Variants in ADGRG4 observed in about 807,000 individuals in gnomAD.
ADGRG4 encodes the protein G protein-coupled receptor 112.
In ADGRG4, 122 loss-of-function variants were observed where a neutral mutation model predicts 126.2. The ratio of observed to expected loss-of-function variants is 0.97; its 90% CI spans 0.83 to 1.12. The LOEUF (loss-of-function observed/expected upper bound fraction) is 1.12, where lower values mean the gene tolerates loss of function less well. Among genes scored for constraint, ADGRG4 ranks in the 50% most tolerant of loss-of-function variants. The pLI, the probability that ADGRG4 is intolerant of heterozygous loss-of-function variation, is 0.00. For missense variants in ADGRG4, 2,481 were observed against 2,251.8 expected (o/e 1.10, Z -2.06); for synonymous variants, 943 against 838.7 (o/e 1.12, Z -2.15).
At chrX:136,304,509 C>T (rs953719565) in intron 2 of ADGRG4, among the ~76,000 whole-genome samples, 22 of 111,939 alleles carry the variant, frequency 2.0e-4, no homozygotes, top group African/African-American at 6.8e-4. Context: ...AATAATTCTC[C>T]TCTAAATTCT....
rs751855038 is a variant in ADGRG4 at position 136,347,465 on chromosome X, C to T, written c.3759C>T (p.Val1253=). The change falls in exon 6 of 26, where the codon GTC becomes GTT. Residue 1253 remains valine, a synonymous_variant. Transcript: ENST00000394143. ...VSIQLVTSTS[V]LSSDKDQMTI... is the part of the protein sequence containing the mutation. ...TCCAGTTGGTGACTAGCACCTCTGT[C>T]TTATCTTCCGACAAAGACCAGATGA... is the stretch of plus-strand genomic sequence containing the variant. 2 of 1,206,893 alleles carry T rather than the reference C, an allele frequency of 1.7e-6. No homozygotes were observed. The highest frequency in any genetic ancestry group is 4.4e-5 in the Admixed American group (2 of 45,789).
intron 5 of ADGRG4, 72 bp from the exon 6 acceptor site, chrX:136,344,320 T>C: frequency 1.6e-6 from 1 of 618,380 alleles, no homozygotes; most frequent in Non-Finnish European, 2.5e-6. Flanking sequence ...AAAGAAATTA[T>C]AGAGCTCTTT....
In ADGRG4 at chrX:136,373,038, T is replaced by C; in HGVS notation, c.7750T>C (p.Ser2584Pro). 8.3e-7 allele frequency: 1 copy of C among 1,208,735 alleles called. No homozygotes were observed. The highest frequency in any genetic ancestry group is 1.1e-6 in the Non-Finnish European group (1 of 894,186). Residue 2584 changes from serine (S) to proline (P), a missense_variant, in exon 15 of 26, where the codon TCC (serine) becomes CCC (proline). Coordinates refer to ENST00000394143, the MANE Select transcript of ADGRG4 (RefSeq NM_153834.4). ...TGATGGCATGGCTTTCAGCATTCAC[T>C]CCTATGAAGAAGGCACAGACCCTGA... is the stretch of plus-strand genomic sequence containing the variant. ...TFDGMAFSIHSYEEGTDPEIF... is the reference protein window; with the variant it reads ...TFDGMAFSIHPYEEGTDPEIF...
At chrX:136,368,420 C>T (rs191633530) in intron 13 of ADGRG4, among the ~76,000 whole-genome samples, 3 of 111,861 alleles carry the variant, frequency 2.7e-5, no homozygotes, top group East Asian at 5.6e-4. Context: ...TAGGGAGAAG[C>T]GGCTTTGCCA....
chrX:136,372,896 T>C lies in ADGRG4; in HGVS notation c.7614-6T>C. ...GATGCTCTTCTCCATCTGTGGTTTCTTGCAGAATTCTGAGGATAATTGAGC... is the reference window on the plus strand; with the variant it reads ...GATGCTCTTCTCCATCTGTGGTTTCCTGCAGAATTCTGAGGATAATTGAGC... On this transcript the variant is annotated splice_region_variant and splice_polypyrimidine_tract_variant and intron_variant, in intron 14 of 25. Transcript: ENST00000394143. The C allele has an allele frequency of 1.7e-6, 2 of 1,210,979 alleles. No individual in the cohort carries two copies. The highest frequency in any genetic ancestry group is 2.2e-6 in the Non-Finnish European group (2 of 894,473).
intron 15 of ADGRG4, among the ~76,000 whole-genome samples, chrX:136,375,038 C>A (rs967030033): frequency 2.7e-5 from 3 of 109,782 alleles, no homozygotes; most frequent in Admixed American, 9.8e-5. Flanking sequence ...ACCCCCCCCA[C>A]CACTCTTTCC....
At chrX:136,412,662 A>C (rs2075452547) in intron 24 of ADGRG4, among the ~76,000 whole-genome samples, 2 of 112,347 alleles carry the variant, frequency 1.8e-5, no homozygotes, top group African/African-American at 6.5e-5. Flanking sequence ...ATGCGTGCCT[A>C]CTGTGTTCCA....
intron 3 of ADGRG4, among the ~76,000 whole-genome samples, chrX:136,305,807 T>C (rs2074729825): frequency 8.9e-6 from 1 of 112,063 alleles, no homozygotes; most frequent in African/African-American, 3.2e-5. Flanking sequence ...ATTAAAGCAA[T>C]AATCAACTAG....
In ADGRG4 at chrX:136,416,658, G is replaced by A; in HGVS notation, c.*167G>A. ...TGCTACCTGTTCCACCAAAACCTAT[G>A]GAAATTTAAAAAAAACAAAAATAAA... On this transcript the variant is annotated 3_prime_UTR_variant, in exon 26 of 26. Transcript: ENST00000394143. 1 of 320,806 alleles carries A rather than the reference G, an allele frequency of 3.1e-6. No homozygotes were observed. Among genetic ancestry groups the A allele is most frequent in the Non-Finnish European group, 5.4e-6 (1 of 184,356 alleles). 26.4% of individuals were successfully genotyped at this position (320,806 alleles called of 1,213,427 possible).
chrX:136,329,574 C>G (rs1487927410), intron 5 of ADGRG4, among the ~76,000 whole-genome samples: 1 of 111,939 alleles, frequency 8.9e-6, no homozygotes, highest in Non-Finnish European at 1.9e-5. Context: ...TGTTTGTGAG[C>G]CCTCCAAGGA....
rs2075192366 is a variant in ADGRG4 at position 136,371,340 on chromosome X, A to G, written c.7409A>G (p.Asp2470Gly). 3 of 1,180,379 alleles carry G rather than the reference A, an allele frequency of 2.5e-6. No individual in the cohort carries two copies. The highest frequency in any genetic ancestry group is 2.3e-5 in the Admixed American group (1 of 43,026). Residue 2470 changes from aspartate (D) to glycine (G), a missense_variant, in exon 14 of 26, where the codon GAT becomes GGT. Physicochemically the swap from Asp to Gly is moderately conservative, Grantham distance 94. Coordinates refer to ENST00000394143, the MANE Select transcript of ADGRG4 (RefSeq NM_153834.4). ...TTTCTTTCCCCAGAGAATGCTGAGGATGTTGCAGAGCATATTTTAAATTTG... is the reference window on the plus strand; with the variant it reads ...TTTCTTTCCCCAGAGAATGCTGAGGGTGTTGCAGAGCATATTTTAAATTTG... ...NITISDENAE[D>G]VAEHILNLIN...
chrX:136,344,023 G>A (rs899450743), intron 5 of ADGRG4, among the ~76,000 whole-genome samples: 1 of 111,880 alleles, frequency 8.9e-6, no homozygotes, highest in Non-Finnish European at 1.9e-5. Context: ...GACTATTCAA[G>A]TTATCTGTTT....
chrX:136,379,456 C>T (rs1487091035), intron 15 of ADGRG4, among the ~76,000 whole-genome samples: 5 of 106,050 alleles, frequency 4.7e-5, no homozygotes, highest in African/African-American at 1.7e-4. Context: ...CTCTCCTCCC[C>T]TTCTTTCTCT....
intron 13 of ADGRG4, among the ~76,000 whole-genome samples, 175 bp from the exon 14 acceptor site, chrX:136,371,153 C>T (rs969180520): frequency 8.9e-6 from 1 of 112,012 alleles, no homozygotes; most frequent in Non-Finnish European, 1.9e-5. Context: ...TTATGTTCTA[C>T]TTTCTGGGAC....
Position 136,350,188 on chromosome X carries a change from C to T in ADGRG4, c.6482C>T (p.Thr2161Ile), listed in dbSNP as rs1467338547. 5 of 1,208,035 alleles carry T rather than the reference C, an allele frequency of 4.1e-6. No individual in the cohort carries two copies. Among genetic ancestry groups the T allele is most frequent in the Admixed American group, 2.2e-5 (1 of 45,619 alleles). Residue 2161 changes from threonine (T) to isoleucine (I), a missense_variant, in exon 6 of 26, where the codon ACT becomes ATT. Physicochemically the swap from Thr to Ile is moderately conservative, Grantham distance 89 (BLOSUM62 -1). Coordinates refer to ENST00000394143, the MANE Select transcript of ADGRG4 (RefSeq NM_153834.4). ...TITSSWNRIP[T>I]ASSPSTLIIP... ...ACATCTTCATGGAACAGAATTCCAA[C>T]TGCATCATCACCCTCTACTTTAATT...
In ADGRG4 at chrX:136,341,748, A is replaced by G. The variant is rs753191680; in HGVS notation, c.686-2644A>G. Among the ~76,000 whole-genome samples the G allele has an allele frequency of 6.3e-5, 7 of 111,889 alleles. No individual in the cohort carries two copies. The East Asian group carries it at 1.4e-3, about 22-fold the overall frequency. ...TTTTATCAACTCATCTATACAGTCA[A>G]TTGGAAGATTGTCATTCATTCTACT... On this transcript the variant is annotated intron_variant, in intron 5 of 25. Coordinates refer to ENST00000394143, the MANE Select transcript of ADGRG4 (RefSeq NM_153834.4).
chrX:136,337,573 A>G (rs181575115), intron 5 of ADGRG4, among the ~76,000 whole-genome samples: 2 of 112,568 alleles, frequency 1.8e-5, no homozygotes, highest in African/African-American at 6.4e-5. Flanking sequence ...GCTTTGCTGG[A>G]TATAGAATTC....
At position 136,346,705 on chromosome X, in the gene ADGRG4, C is replaced by T; in HGVS notation, c.2999C>T (p.Thr1000Ile). The T allele has an allele frequency of 8.3e-7, 1 of 1,210,449 alleles. No individual in the cohort carries two copies. The highest frequency in any genetic ancestry group is 2.2e-5 in the Admixed American group (1 of 45,993). The change falls in exon 6 of 26, where the codon ACA becomes ATA. Residue 1000 changes from threonine (T) to isoleucine (I), a missense_variant. Coordinates refer to ENST00000394143, the MANE Select transcript of ADGRG4 (RefSeq NM_153834.4). ...LSDGILPPQP[T>I]AAHSSATPVP... Reference sequence around the variant, plus strand: ...GATGGTATCTTACCTCCACAGCCTACAGCTGCTCATTCCTCAGCAACCCCT... The same window carrying T: ...GATGGTATCTTACCTCCACAGCCTATAGCTGCTCATTCCTCAGCAACCCCT...
intron 25 of ADGRG4, among the ~76,000 whole-genome samples, chrX:136,415,281 G>A (rs1362121742): frequency 2.7e-5 from 3 of 111,827 alleles, no homozygotes; most frequent in African/African-American, 9.8e-5. Flanking sequence ...AGGCAATCTG[G>A]AAGCAGCATG....
Sources: allele counts gnomAD v4.1 joint callset (sites outside exome capture counted in the v4.1 genomes callset), GRCh38; gene constraint gnomAD v4.1.1; transcripts MANE v1.5; gene names NCBI Gene and HGNC (gene_info 2026-07-23, HGNC 2026-07-21).